Variants in SLC9A9 observed in about 807,000 individuals in gnomAD.
SLC9A9 encodes solute carrier family 9 member A9, also known as sodium/hydrogen exchanger 9.
SLC9A9 carries 62 observed loss-of-function variants against 77.8 expected under a neutral mutation model. The ratio of observed to expected loss-of-function variants is 0.80; its 90% confidence interval spans 0.65 to 0.98. The LOEUF is 0.98. Among genes scored for constraint, SLC9A9 ranks in the 50% least tolerant of loss-of-function variants. SLC9A9 has a pLI of 0.00. For missense variants in SLC9A9, 775 were observed against 774.9 expected (o/e 1.00, Z 0.00); for synonymous variants, 320 against 283.5 (o/e 1.13, Z -1.29).
intron 11 of SLC9A9, 106 bp from the exon 12 acceptor site, chr3:143,467,296 T>G: frequency 7.9e-7 from 1 of 1,272,166 alleles, no homozygotes; most frequent in South Asian, 1.3e-5. Context: ...AAATTAATCT[T>G]TTTATTTTGA....
chr3:143,837,008 A>T (rs2009585048), intron 1 of SLC9A9, among the ~76,000 whole-genome samples: 1 of 152,184 alleles, frequency 6.6e-6, no homozygotes, highest in Non-Finnish European at 1.5e-5. Context: ...ACTGATGGTC[A>T]TTCCACATGA....
At position 143,448,945 on chromosome 3, in the gene SLC9A9, T is replaced by G. The variant is rs1281375418; in HGVS notation, c.1469+18092A>C. Among the ~76,000 whole-genome samples the G allele has an allele frequency of 9.0e-4, 10 of 11,070 alleles. 3 individuals are homozygous for G. In the Admixed American group the frequency reaches 0.021, roughly 23 times the overall value. The allele number at this position is 11,070 out of a possible 152,430, so 7.3% of individuals were successfully genotyped here. The stretch of plus-strand genomic sequence containing the variant: ...ATATTATAATATATAATATGATATA[T>G]AATATATAATATAATTATATAAATA... On this transcript the variant is annotated intron_variant, in intron 12 of 15. Coordinates refer to ENST00000316549, the MANE Select transcript of SLC9A9 (RefSeq NM_173653.4).
chr3:143,365,843 T>C (rs1413052830), intron 13 of SLC9A9, among the ~76,000 whole-genome samples: 1 of 152,202 alleles, frequency 6.6e-6, no homozygotes, highest in Admixed American at 6.5e-5. Context: ...CAACAGCATA[T>C]TGGGGTTCAT....
In SLC9A9 at chr3:143,574,190, T is replaced by C; in HGVS notation, c.898A>G (p.Thr300Ala). 2 of 1,612,574 alleles carry C rather than the reference T, an allele frequency of 1.2e-6. No homozygotes were observed. The highest frequency in any genetic ancestry group is 2.2e-5 in the South Asian group (2 of 91,010). ...SAYAIITALLTKFTKLCEFPM... is the reference protein window; with the variant it reads ...SAYAIITALLAKFTKLCEFPM... ...AACTCACACAGCTTGGTAAATTTGG[T>C]CAAGTGAGGAAGATAAGTTAAGGGA... Residue 300 changes from threonine to alanine, a missense_variant, in exon 8 of 16, where the codon ACC (threonine) becomes GCC (alanine). Transcript: ENST00000316549.
At chr3:143,451,308 G>T (rs1723028) in intron 12 of SLC9A9, among the ~76,000 whole-genome samples, 1 of 151,986 alleles carries the variant, frequency 6.6e-6, no homozygotes, top group East Asian at 1.9e-4. Flanking sequence ...GTCTTAAGCA[G>T]TTTCTTCCAA....
intron 11 of SLC9A9, among the ~76,000 whole-genome samples, chr3:143,492,885 T>C (rs1050559615): frequency 6.6e-6 from 1 of 152,206 alleles, no homozygotes; most frequent in Admixed American, 6.5e-5. Context: ...TACAGCTACA[T>C]AGGAATCACG....
chr3:143,724,727 G>C (rs922868683), intron 4 of SLC9A9, among the ~76,000 whole-genome samples: 2 of 152,224 alleles, frequency 1.3e-5, no homozygotes, highest in African/African-American at 2.4e-5. Flanking sequence ...AGTCTAATGT[G>C]TTAAACACGA....
At chr3:143,296,837 A>T (rs2030292190) in intron 14 of SLC9A9, among the ~76,000 whole-genome samples, 10 of 152,174 alleles carry the variant, frequency 6.6e-5, no homozygotes, top group African/African-American at 2.4e-4. Flanking sequence ...CGTCTTCTTC[A>T]GAGAAATATC....
At position 143,308,563 on chromosome 3, in the gene SLC9A9, G is replaced by A. The variant is rs552293269; in HGVS notation, c.1605-39583C>T. ...TGCACTCCAGCCTGGGCGACAGAGC[G>A]AGACTCTGTCTCAAAAAAAAAAAAA... On this transcript the variant is annotated intron_variant, in intron 14 of 15. Transcript: ENST00000316549. 2.6e-4 allele frequency among the ~76,000 whole-genome samples: 38 copies of A among 148,682 alleles called. 1 individual carries two copies. The highest frequency in any genetic ancestry group is 1.7e-4 in the African/African-American group (7 of 40,388).
In SLC9A9 at chr3:143,312,872, A is replaced by G. The variant is rs550321456; in HGVS notation, c.1605-43892T>C. ...CTCTAACCCTCGCTTTACGTCGCCA[A>G]TGTAAATTTCCCAATCTTCCATCCC... On this transcript the variant is annotated intron_variant, in intron 14 of 15. Transcript: ENST00000316549. Among the ~76,000 whole-genome samples the G allele has an allele frequency of 1.4e-4, 22 of 152,346 alleles. No individual in the cohort carries two copies. The South Asian group carries it at 2.1e-3, about 14-fold the overall frequency.
chr3:143,740,085 C>T (rs936998119), intron 4 of SLC9A9, among the ~76,000 whole-genome samples: 1 of 152,174 alleles, frequency 6.6e-6, no homozygotes, highest in African/African-American at 2.4e-5. Flanking sequence ...CCAACTTCTA[C>T]TAAGAGATCC....
In SLC9A9 at chr3:143,577,421, C is replaced by G. The variant is rs79005743; in HGVS notation, c.894+1164G>C. ...CTATCTTCCAGGCCATGCCCAAAAC[C>G]CACTCTGCTTATAAATACTGCTTTT... On this transcript the variant is annotated intron_variant, in intron 7 of 15. Transcript: ENST00000316549. Among the ~76,000 whole-genome samples the G allele has an allele frequency of 3.1e-3, 474 of 152,288 alleles. 2 individuals carry two copies. Among genetic ancestry groups the G allele is most frequent in the African/African-American group, 9.7e-3 (404 of 41,546 alleles).
chr3:143,848,077 T>C, intron 1 of SLC9A9, 71 bp downstream of exon 1: 1 of 1,397,934 alleles, frequency 7.2e-7, no homozygotes. Flanking sequence ...GGTACTTTGC[T>C]ATCTGAGCAC....
chr3:143,406,978 G>GAA (rs57344964), intron 12 of SLC9A9, among the ~76,000 whole-genome samples: 7 of 69,306 alleles, frequency 1.0e-4, no homozygotes, highest in Non-Finnish European at 1.7e-4. Flanking sequence ...TCCATCTCGA[G>GAA]AAAAAAAAAA....
At chr3:143,530,672 AAC>A (rs1179425327) in intron 9 of SLC9A9, among the ~76,000 whole-genome samples, 1 of 143,248 alleles carries the variant, frequency 7.0e-6, no homozygotes, top group Non-Finnish European at 1.6e-5. Context: ...CAAACAAACA[AAC>A]AAAAACCAAA....
At chr3:143,437,847 A>T (rs1318441805) in intron 12 of SLC9A9, among the ~76,000 whole-genome samples, 2 of 152,208 alleles carry the variant, frequency 1.3e-5, no homozygotes, top group Non-Finnish European at 1.5e-5. Context: ...CTATAAACTT[A>T]ACAGCATGAA....
At chr3:143,612,492 A>C (rs2038038523) in intron 6 of SLC9A9, among the ~76,000 whole-genome samples, 4 of 152,194 alleles carry the variant, frequency 2.6e-5, no homozygotes, top group Admixed American at 2.6e-4. Flanking sequence ...ACATGTTTCC[A>C]AGAGGCGTCT....
At chr3:143,574,464 A>G (rs2037322497) in intron 7 of SLC9A9, among the ~76,000 whole-genome samples, 2 of 152,180 alleles carry the variant, frequency 1.3e-5, no homozygotes, top group Non-Finnish European at 2.9e-5. Context: ...AATTCAGCTC[A>G]CTGTGGGCCT....
chr3:143,686,349 G>A (rs1416681123), intron 5 of SLC9A9, among the ~76,000 whole-genome samples: 2 of 152,066 alleles, frequency 1.3e-5, no homozygotes, highest in South Asian at 2.1e-4. Context: ...GGTAAATAAA[G>A]AACTAAATAA....
Sources: gnomAD v4.1 joint callset for allele counts (sites outside exome capture counted in the v4.1 genomes callset) on GRCh38, gnomAD v4.1.1 for gene constraint, MANE v1.5 for transcripts, NCBI Gene and HGNC (gene_info 2026-07-23, HGNC 2026-07-21) for gene names.